GAS2L1: variants seen among roughly 807,000 people sequenced by gnomAD.
GAS2L1 encodes growth arrest specific 2 like 1.
GAS2L1 carries 26 observed loss-of-function variants against 44.0 expected under a neutral mutation model. That is an observed-to-expected ratio of 0.59 (90% CI 0.43 to 0.82). The LOEUF is 0.82. Among genes scored for constraint, GAS2L1 ranks in the 40% least tolerant of loss-of-function variants. The probability of loss-of-function intolerance (pLI) is 0.00; values close to 1 mark genes in which losing one functional copy is unlikely to be tolerated. For synonymous variants in GAS2L1, 426 were observed against 415.9 expected, an observed-to-expected ratio of 1.02 and a Z score of -0.30; for missense variants, 1,006 against 983.0, an observed-to-expected ratio of 1.02 and a Z score of -0.31.
intron 4 of GAS2L1, 47 bp from the exon 6 acceptor site, chr22:29,311,415 A>C: frequency 1.4e-6 from 1 of 737,360 alleles, no homozygotes; most frequent in Non-Finnish European, 2.2e-6. Flanking sequence ...TCTGCATGCC[A>C]GTCCTTCCGT....
Position 29,312,415 on chromosome 22 carries a change from GC to G in GAS2L1, c.1968del (p.Ser657ProfsTer45). The G allele has an allele frequency of 6.4e-7, 1 of 1,560,432 alleles. No homozygotes were observed. Among genetic ancestry groups the G allele is most frequent in the Non-Finnish European group, 8.7e-7 (1 of 1,150,152 alleles). ...ATCCCCACGCCTCGGGGCCCCCGCC[GC>G]CCCTCCGGACCCGCAGAGCTGGGGA... On this transcript the variant is annotated frameshift_variant, in exon 5 of 5. Coordinates refer to ENST00000618518, the Ensembl canonical transcript of GAS2L1. LOFTEE classifies it high-confidence loss of function.
chr22:29,312,387 C>G (rs770654898), exon 5 of GAS2L1: 11 of 1,591,528 alleles, frequency 6.9e-6, no homozygotes, highest in African/African-American at 1.3e-5. Flanking sequence ...TAAACCCTCA[C>G]GTATCCCCAC....
intron 1 of GAS2L1, 57 bp downstream of exon 2, chr22:29,308,795 C>T: frequency 1.5e-6 from 2 of 1,372,868 alleles, no homozygotes; most frequent in Middle Eastern, 2.6e-4. Context: ...TGCCTGCAAT[C>T]TGTCCCTGAA....
chr22:29,311,505 T>C, exon 5 of GAS2L1: 2 of 1,527,558 alleles, frequency 1.3e-6, no homozygotes, highest in Non-Finnish European at 1.8e-6. Context: ...CCGCCGCTAC[T>C]CCGGGGACAG....
exon 5 of GAS2L1, chr22:29,312,005 C>G (rs753045594): frequency 1.8e-5 from 29 of 1,611,630 alleles, no homozygotes; most frequent in Admixed American, 5.0e-5. Context: ...AGCAGCTGTT[C>G]CGGCGCCTGG....
At chr22:29,310,349 C>T (rs916712082) in intron 1 of GAS2L1, 90 bp from the exon 3 acceptor site, 7 of 737,686 alleles carry the variant, frequency 9.5e-6, no homozygotes, top group Non-Finnish European at 1.4e-5. Flanking sequence ...ACCCGGAAAG[C>T]CTGACTTCCT....
chr22:29,309,738 G>C (rs1318016841), intron 1 of GAS2L1, among the ~76,000 whole-genome samples: 2 of 152,220 alleles, frequency 1.3e-5, no homozygotes, highest in Non-Finnish European at 2.9e-5. Flanking sequence ...CCAGGGGCAT[G>C]GGGCCCCCTG....
At chr22:29,311,797 G>T in exon 5 of GAS2L1, 1 of 1,578,900 alleles carries the variant, frequency 6.3e-7, no homozygotes, top group East Asian at 2.3e-5. Flanking sequence ...CTTGTGCGCA[G>T]GGATCGAGAC....
At chr22:29,308,992 T>G (rs2061378108) in intron 1 of GAS2L1, among the ~76,000 whole-genome samples, 1 of 152,242 alleles carries the variant, frequency 6.6e-6, no homozygotes, top group Non-Finnish European at 1.5e-5. Context: ...TGGCACGATC[T>G]TCCCTCACTT....
At chr22:29,310,407 C>T in intron 1 of GAS2L1, 32 bp from the exon 3 acceptor site, 1 of 1,259,630 alleles carries the variant, frequency 7.9e-7, no homozygotes, top group Non-Finnish European at 1.2e-6. Flanking sequence ...AGGACTTGAC[C>T]TCTGACCCCT....
At chr22:29,311,267 T>A (rs1186300254) in intron 4 of GAS2L1, 195 bp from the exon 6 acceptor site, 1 of 580,046 alleles carries the variant, frequency 1.7e-6, no homozygotes, top group Non-Finnish European at 3.0e-6. Flanking sequence ...CCCAGGAAAC[T>A]TCTTCTTCCG....
intron 4 of GAS2L1, 102 bp downstream of exon 5, chr22:29,311,100 T>C: frequency 2.6e-6 from 3 of 1,170,672 alleles, no homozygotes; most frequent in African/African-American, 1.5e-5. Context: ...ACTCACACCC[T>C]GGGAAAAGTT....
exon 5 of GAS2L1, chr22:29,312,395 C>T (rs1416940722): frequency 2.5e-6 from 4 of 1,584,612 alleles, no homozygotes; most frequent in Non-Finnish European, 1.7e-6. Flanking sequence ...CACGTATCCC[C>T]ACGCCTCGGG....
exon 5 of GAS2L1, chr22:29,311,497 G>C: frequency 6.7e-7 from 1 of 1,502,496 alleles, no homozygotes. Flanking sequence ...CCCCGCTCCC[G>C]CCGCTACTCC....
exon 5 of GAS2L1, chr22:29,311,960 C>T: frequency 6.2e-7 from 1 of 1,608,230 alleles, no homozygotes; most frequent in South Asian, 1.1e-5. Context: ...CCAGCATCTT[C>T]CGCACACCCC....
rs1215426760 is a variant in GAS2L1, at chr22:29,311,862, A to AC, written c.1417dup (p.Gln473ProfsTer61). The AC allele has an allele frequency of 1.3e-6, 2 of 1,594,536 alleles. No individual in the cohort carries two copies. The highest frequency in any genetic ancestry group is 1.7e-5 in the Admixed American group (1 of 59,404). On this transcript the variant is annotated frameshift_variant, in exon 5 of 5. Coordinates refer to ENST00000618518, the Ensembl canonical transcript of GAS2L1. LOFTEE classifies it high-confidence loss of function. The stretch of plus-strand genomic sequence containing the variant: ...GGGCAGTGGGGGCTCGGGCAGGAGC[A>AC]CCCCCCAGACTCCCCGTGCCCGCAG...
chr22:29,309,406 G>A (rs987749678), intron 1 of GAS2L1, among the ~76,000 whole-genome samples: 14 of 152,368 alleles, frequency 9.2e-5, no homozygotes, highest in Admixed American at 8.5e-4. Flanking sequence ...ACCCCTGAGG[G>A]CTGGACCAAG....
intron 4 of GAS2L1, chr22:29,311,254 G>C: frequency 3.4e-6 from 2 of 586,338 alleles, no homozygotes; most frequent in Non-Finnish European, 6.0e-6. Context: ...GGGGTGTCTA[G>C]AGCCCAGGAA....
exon 5 of GAS2L1, chr22:29,311,605 G>A (rs770269420): frequency 1.9e-6 from 3 of 1,539,110 alleles, no homozygotes; most frequent in Non-Finnish European, 2.6e-6. Context: ...CGACCCAGCC[G>A]GCGGCTGACC....
Sources: gnomAD v4.1 joint callset for allele counts (sites outside exome capture counted in the v4.1 genomes callset) on GRCh38, gnomAD v4.1.1 for gene constraint, MANE v1.5 for transcripts, NCBI Gene and HGNC (gene_info 2026-07-23, HGNC 2026-07-21) for gene names.